HNRNPH1: variants seen among roughly 807,000 people sequenced by gnomAD.
HNRNPH1 encodes the protein heterogeneous nuclear ribonucleoprotein H.
In HNRNPH1, 4 loss-of-function variants were observed where a neutral mutation model predicts 58.6. The ratio of observed to expected loss-of-function variants is 0.07; its 90% CI spans 0.03 to 0.16. HNRNPH1 has a LOEUF of 0.16. Ranked by LOEUF, HNRNPH1 falls within the 10% of genes least tolerant of loss-of-function variation. The pLI, the probability that HNRNPH1 is intolerant of heterozygous loss-of-function variation, is 1.00. For synonymous variants in HNRNPH1, 192 were observed against 189.2 expected (o/e 1.01, Z -0.12); for missense variants, 271 against 564.2 (o/e 0.48, Z 5.26).
At chr5:179,624,967 C>T (rs953016583), upstream of HNRNPH1, among the ~76,000 whole-genome samples, 1 of 152,182 alleles carries the variant, frequency 6.6e-6, no homozygotes, top group Non-Finnish European at 1.5e-5. Flanking sequence ...AGGGCCTGAT[C>T]TTCAAAGGCC....
intron 12 of HNRNPH1, 29 bp from the exon 14 acceptor site, chr5:179,614,988 G>C (rs1230502958): frequency 2.0e-5 from 25 of 1,276,570 alleles, no homozygotes; most frequent in Non-Finnish European, 2.6e-5. Context: ...GACAAGTTAG[G>C]AGTAATATCA....
chr5:179,632,618 C>A (rs371475019), intron 2 of HNRNPH1, among the ~76,000 whole-genome samples: 4 of 152,234 alleles, frequency 2.6e-5, no homozygotes, highest in Non-Finnish European at 5.9e-5. Flanking sequence ...GAGGAGGGAC[C>A]GAGCACGCCC....
chr5:179,625,659 CAAAAA>C (rs372265224), upstream of HNRNPH1, among the ~76,000 whole-genome samples: 3 of 105,918 alleles, frequency 2.8e-5, no homozygotes. Flanking sequence ...AACTCCGTCT[CAAAAA>C]AAAAAAAAAA....
At chr5:179,622,173 G>C (rs933389064) in intron 1 of HNRNPH1, among the ~76,000 whole-genome samples, 13 of 152,182 alleles carry the variant, frequency 8.5e-5, no homozygotes, top group African/African-American at 2.9e-4. Context: ...ACTGTATAGT[G>C]AGCCAGATTA....
At chr5:179,621,524 C>T in intron 1 of HNRNPH1, 127 bp from the exon 3 acceptor site, 2 of 709,302 alleles carry the variant, frequency 2.8e-6, no homozygotes, top group Non-Finnish European at 4.7e-6. Context: ...ATATACTGAC[C>T]ACGATATTAC....
exon 5 of HNRNPH1, chr5:179,618,184 C>T: frequency 1.2e-6 from 2 of 1,614,132 alleles, no homozygotes; most frequent in Middle Eastern, 1.7e-4. Flanking sequence ...TCAAAGCCAG[C>T]TCCTCTGCCA....
chr5:179,632,753 C>CTTTTT (rs752554745), intron 2 of HNRNPH1, among the ~76,000 whole-genome samples: 1,055 of 92,002 alleles, frequency 0.011, 124 homozygotes, highest in African/African-American at 0.028. Context: ...AATCAAATAT[C>CTTTTT]TTTTTTTTTT....
rs150397420 is a variant in HNRNPH1 at position 179,615,561 on chromosome 5, T to C, written c.1335A>G (p.Gln445=). ...AAATATTTACCTATGCAATGTTTGA[T>C]TGAAAATCACTGGAGTTTTCCTGTA... Residue 445 remains glutamine (Q), a synonymous_variant, in exon 12 of 13, where the codon CAA becomes CAG. Transcript: ENST00000356731. The C allele has an allele frequency of 1.7e-3, 2,690 of 1,559,224 alleles. 3 individuals are homozygous for C. The highest frequency in any genetic ancestry group is 2.2e-3 in the Non-Finnish European group (2,512 of 1,133,382).
At chr5:179,617,863 G>C (rs1341239731) in exon 7 of HNRNPH1, 1 of 1,613,340 alleles carries the variant, frequency 6.2e-7, no homozygotes, top group Non-Finnish European at 8.5e-7. Flanking sequence ...GTGTCCTGTT[G>C]TGCTCTGGAA....
intron 1 of HNRNPH1, chr5:179,621,803 G>A (rs946031588): frequency 1.8e-5 from 7 of 378,410 alleles, no homozygotes; most frequent in African/African-American, 4.2e-5. Flanking sequence ...GCCACATTAC[G>A]GTTTCTCATT....
At chr5:179,617,617 G>A (rs959439802) in exon 8 of HNRNPH1, 8 of 1,614,024 alleles carry the variant, frequency 5.0e-6, no homozygotes, top group Non-Finnish European at 5.9e-6. Flanking sequence ...CAATTTCAAT[G>A]TGTACTCTCA....
At chr5:179,617,247 G>A (rs1240197854) in intron 8 of HNRNPH1, 137 bp from the exon 10 acceptor site, 31 of 869,466 alleles carry the variant, frequency 3.6e-5, no homozygotes, top group Non-Finnish European at 5.4e-5. Context: ...CTTCTCTTAG[G>A]TGATCTACTT....
intron 1 of HNRNPH1, chr5:179,621,965 C>T (rs747384306): frequency 3.7e-5 from 17 of 456,210 alleles, no homozygotes; most frequent in South Asian, 2.6e-4. Flanking sequence ...AGGTCGCTTT[C>T]CGTTACCAAC....
chr5:179,632,078 G>A (rs879913303), intron 2 of HNRNPH1, among the ~76,000 whole-genome samples: 13 of 130,644 alleles, frequency 1.0e-4, no homozygotes, highest in Middle Eastern at 8.2e-3. Flanking sequence ...AGGCCGAGGC[G>A]GGCGGATCAC....
chr5:179,614,753 G>A, exon 13 of HNRNPH1: 2 of 683,950 alleles, frequency 2.9e-6, no homozygotes, highest in Non-Finnish European at 4.9e-6. Flanking sequence ...AGCTTGTATT[G>A]CAGAAACTGT....
At chr5:179,623,647 A>C (rs996176336) in exon 1 of HNRNPH1, 1 of 153,112 alleles carries the variant, frequency 6.5e-6, no homozygotes, top group Non-Finnish European at 1.5e-5. Context: ...TAGACACGCG[A>C]CTTCTGCGTG....
intron 8 of HNRNPH1, 123 bp downstream of exon 9, chr5:179,617,391 C>A: frequency 8.4e-7 from 1 of 1,190,010 alleles, no homozygotes; most frequent in East Asian, 2.3e-5. Context: ...CCCGCATCCC[C>A]CAAGAATTAA....
At chr5:179,616,763 C>G (rs1223546545) in intron 10 of HNRNPH1, 106 bp downstream of exon 11, 6 of 988,476 alleles carry the variant, frequency 6.1e-6, no homozygotes, top group Non-Finnish European at 9.1e-6. Context: ...ACTGCTTTGC[C>G]TAAGTTTCTT....
intron 3 of HNRNPH1, among the ~76,000 whole-genome samples, chr5:179,620,461 T>C (rs1488485105): frequency 6.6e-6 from 1 of 152,244 alleles, no homozygotes; most frequent in Non-Finnish European, 1.5e-5. Flanking sequence ...TAAAGAGAAT[T>C]AGACCATTAG....
Sources: gnomAD v4.1 joint callset for allele counts (sites outside exome capture counted in the v4.1 genomes callset) on GRCh38, gnomAD v4.1.1 for gene constraint, MANE v1.5 for transcripts, NCBI Gene and HGNC (gene_info 2026-07-23, HGNC 2026-07-21) for gene names.